Variants in MROH9 observed in about 807,000 individuals in gnomAD.
MROH9 encodes maestro heat-like repeat-containing protein family member 9.
In MROH9, 92 loss-of-function variants were observed where a neutral mutation model predicts 98.2. The ratio of observed to expected loss-of-function variants is 0.94; its 90% CI spans 0.79 to 1.11. The LOEUF is 1.11. MROH9 is among the 50% of genes most tolerant of loss of function. MROH9 has a pLI of 0.00. For synonymous variants in MROH9, 397 were observed against 368.9 expected, an observed-to-expected ratio of 1.08 and a Z score of -0.87; for missense variants, 1,057 against 1,014.8, an observed-to-expected ratio of 1.04 and a Z score of -0.57.
chr1:171,057,207 T>C (rs1391317202), intron 20 of MROH9, among the ~76,000 whole-genome samples: 1 of 152,148 alleles, frequency 6.6e-6, no homozygotes, highest in Non-Finnish European at 1.5e-5. Context: ...GCAAAGAAGC[T>C]AAAAACCTTG....
At chr1:171,052,341 C>A (rs1238298168) in intron 20 of MROH9, among the ~76,000 whole-genome samples, 1 of 152,156 alleles carries the variant, frequency 6.6e-6, no homozygotes, top group Non-Finnish European at 1.5e-5. Flanking sequence ...CCGTGGCCCC[C>A]CAGTGGTAGT....
At chr1:170,985,531 A>T (rs1651099179) in intron 9 of MROH9, among the ~76,000 whole-genome samples, 1 of 152,186 alleles carries the variant, frequency 6.6e-6, no homozygotes, top group Admixed American at 6.5e-5. Flanking sequence ...TACATGACAG[A>T]AACTTCTAAC....
At chr1:170,957,789 T>A (rs910218598) in intron 3 of MROH9, among the ~76,000 whole-genome samples, 1 of 126,850 alleles carries the variant, frequency 7.9e-6, no homozygotes, top group Non-Finnish European at 1.7e-5. Context: ...CTGCTGGCAT[T>A]TTTTTGTTTT....
chr1:170,966,628 T>G (rs1650245081), intron 7 of MROH9, among the ~76,000 whole-genome samples: 2 of 152,132 alleles, frequency 1.3e-5, no homozygotes, highest in Non-Finnish European at 1.5e-5. Context: ...AAACTCAGCT[T>G]TGGAACATAA....
intron 15 of MROH9, among the ~76,000 whole-genome samples, chr1:171,003,565 G>T (rs1301624414): frequency 6.6e-6 from 1 of 152,200 alleles, no homozygotes; most frequent in Non-Finnish European, 1.5e-5. Context: ...GGTACTGGGG[G>T]TTGTCTGCAC....
chr1:171,016,646 T>C (rs750761444), intron 17 of MROH9, among the ~76,000 whole-genome samples: 4 of 152,150 alleles, frequency 2.6e-5, no homozygotes, highest in Non-Finnish European at 5.9e-5. Context: ...CCACCTCTTA[T>C]TGGCTATGAA....
chr1:171,015,427 C>T (rs185937699), intron 16 of MROH9, among the ~76,000 whole-genome samples: 1 of 152,238 alleles, frequency 6.6e-6, no homozygotes, highest in East Asian at 1.9e-4. Flanking sequence ...TTGGTAAAGA[C>T]ACAAATGGCC....
chr1:170,971,686 T>G (rs1650461650), intron 7 of MROH9, 62 bp from the exon 8 acceptor site: 2 of 1,570,950 alleles, frequency 1.3e-6, no homozygotes, highest in Non-Finnish European at 8.7e-7. Flanking sequence ...ATCAGATGCA[T>G]GCAGACATTT....
At chr1:170,947,928 A>G (rs1353612137) in intron 3 of MROH9, among the ~76,000 whole-genome samples, 2 of 151,914 alleles carry the variant, frequency 1.3e-5, no homozygotes, top group Non-Finnish European at 2.9e-5. Flanking sequence ...AACCCTTCCC[A>G]TCAAAGTGAA....
At chr1:171,041,346 G>GAT (rs781314440) in intron 20 of MROH9, among the ~76,000 whole-genome samples, 2 of 56,772 alleles carry the variant, frequency 3.5e-5, no homozygotes, top group African/African-American at 6.6e-5. Context: ...AGTATTCCAT[G>GAT]ATGTGTGTGT....
intron 3 of MROH9, among the ~76,000 whole-genome samples, chr1:170,949,145 A>G (rs755977588): frequency 6.6e-6 from 1 of 152,018 alleles, no homozygotes; most frequent in Non-Finnish European, 1.5e-5. Context: ...CCCCATGTCA[A>G]CTAGTCATTA....
chr1:171,042,765 T>C (rs1203851443), intron 20 of MROH9, among the ~76,000 whole-genome samples: 1 of 152,212 alleles, frequency 6.6e-6, no homozygotes, highest in Non-Finnish European at 1.5e-5. Context: ...CATATACCTG[T>C]TTGCCATTTG....
chr1:171,062,021 A>C lies in MROH9; in HGVS notation c.2282-111A>C, dbSNP rs955480392. On this transcript the variant is annotated intron_variant, in intron 20 of 21. Coordinates refer to ENST00000367759, the MANE Select transcript of MROH9 (RefSeq NM_001163629.2). ...AAGTACTAAAAGATGACTCAAGGATAATATAGAGATGCTTTGCTTTGAAAA... is the reference window on the plus strand; with the variant it reads ...AAGTACTAAAAGATGACTCAAGGATCATATAGAGATGCTTTGCTTTGAAAA... 2.2e-5 allele frequency: 15 copies of C among 669,274 alleles called. No homozygotes were observed. In the African/African-American group the frequency reaches 2.6e-4, roughly 11 times the overall value. 41.5% of individuals were successfully genotyped at this position (669,274 alleles called of 1,614,324 possible). A position where few individuals can be genotyped will look rare whatever the true frequency, so the allele number is the denominator to read the frequency against.
At chr1:170,990,315 A>G (rs1241125316) in intron 11 of MROH9, among the ~76,000 whole-genome samples, 1 of 152,176 alleles carries the variant, frequency 6.6e-6, no homozygotes, top group Non-Finnish European at 1.5e-5. Context: ...CCTCAATGTG[A>G]TAATGGATTT....
intron 20 of MROH9, among the ~76,000 whole-genome samples, chr1:171,034,804 T>C (rs1246479862): frequency 1.3e-5 from 2 of 152,188 alleles, no homozygotes; most frequent in African/African-American, 2.4e-5. Flanking sequence ...AGATTTATTA[T>C]AAAGCTACAG....
chr1:171,007,991 A>G (rs972373566), intron 15 of MROH9, among the ~76,000 whole-genome samples: 1 of 152,338 alleles, frequency 6.6e-6, no homozygotes, highest in African/African-American at 2.4e-5. Context: ...AACCTTCTAC[A>G]TAAATCCCAA....
intron 11 of MROH9, 107 bp from the exon 12 acceptor site, chr1:170,992,057 C>T (rs1173633840): frequency 5.0e-6 from 6 of 1,194,372 alleles, no homozygotes; most frequent in Non-Finnish European, 6.8e-6. Context: ...AGTGTCTTTG[C>T]TATATAAAAA....
intron 7 of MROH9, among the ~76,000 whole-genome samples, chr1:170,968,040 A>G (rs912961191): frequency 2.6e-5 from 4 of 152,220 alleles, no homozygotes; most frequent in African/African-American, 4.8e-5. Context: ...TAGTGATGCC[A>G]ACAAATTTCT....
intron 11 of MROH9, 40 bp downstream of exon 11, chr1:170,990,043 G>A: frequency 6.4e-7 from 1 of 1,570,294 alleles, no homozygotes; most frequent in Non-Finnish European, 8.7e-7. Flanking sequence ...ACAAGGGCTT[G>A]TTCACAGGCT....
Sources: allele counts gnomAD v4.1 joint callset (sites outside exome capture counted in the v4.1 genomes callset), GRCh38; gene constraint gnomAD v4.1.1; transcripts MANE v1.5; gene names NCBI Gene and HGNC (gene_info 2026-07-23, HGNC 2026-07-21).